The following GTF3C2 variants were observed in gnomAD, a reference collection of about 807,000 sequenced individuals.
GTF3C2 encodes general transcription factor IIIC subunit 2.
GTF3C2 carries 17 observed loss-of-function variants against 117.4 expected under a neutral mutation model. The ratio of observed to expected loss-of-function variants is 0.14; its 90% CI spans 0.10 to 0.22. The LOEUF (loss-of-function observed/expected upper bound fraction) is 0.22, where lower values mean the gene tolerates loss of function less well. Among genes scored for constraint, GTF3C2 ranks in the 10% least tolerant of loss-of-function variants. GTF3C2 has a pLI of 1.00. For synonymous variants in GTF3C2, 437 were observed against 427.0 expected, an observed-to-expected ratio of 1.02 and a Z score of -0.29; for missense variants, 888 against 1,143.6, an observed-to-expected ratio of 0.78 and a Z score of 3.22.
chr2:27,337,986 T>C lies in GTF3C2; in HGVS notation c.890A>G (p.Asn297Ser), dbSNP rs368196530. ...AGCCATGATATGATTTGGTAAGCCA[T>C]TGGGAGCCATTCCTCGGCAGTGTGG... The change falls in exon 5 of 19, where the codon AAT (asparagine) becomes AGT (serine). Residue 297 changes from asparagine to serine, a missense_variant. Coordinates refer to ENST00000264720, the Ensembl canonical transcript of GTF3C2. 2.4e-5 allele frequency: 38 copies of C among 1,612,122 alleles called. 2 individuals carry two copies. Among genetic ancestry groups the C allele is most frequent in the South Asian group, 4.4e-5 (4 of 91,048 alleles).
rs1358290107 is a variant in GTF3C2, at chr2:27,350,511, T to C, written c.-25+6228A>G. On this transcript the variant is annotated intron_variant, in intron 1 of 18. Transcript: ENST00000264720. ...TTTACAGCTGCTGGCTCAAGAATCA[T>C]GTGCTGGGCTGGGCGCAGTGGCTCA... The C allele has an allele frequency of 2.5e-5, 25 of 985,514 alleles. No individual in the cohort carries two copies. The East Asian group carries it at 3.3e-4, about 13-fold the overall frequency. 61.0% of individuals were successfully genotyped at this position (985,514 alleles called of 1,614,324 possible).
chr2:27,329,433 C>T lies in GTF3C2; in HGVS notation c.1823G>A (p.Cys608Tyr). ...CACAGCCTGGTCATGGGCTAGGAAA[C>T]ACTGGAAGGGGTAGAGCTTTAAGGA... The change falls in exon 13 of 19, where the codon TGT becomes TAT. Residue 608 changes from cysteine (C) to tyrosine (Y), a missense_variant. By Grantham distance (194) the Cys-to-Tyr change is radical. Coordinates refer to ENST00000264720, the Ensembl canonical transcript of GTF3C2. This position sits in a 1 kb window ranked among gnomAD's most constrained non-coding sequence, Gnocchi z 4.5. 6.2e-7 allele frequency: 1 copy of T among 1,614,136 alleles called. No homozygotes were observed. The highest frequency in any genetic ancestry group is 8.5e-7 in the Non-Finnish European group (1 of 1,180,004).
At chr2:27,355,878 A>G (rs13389668) in intron 1 of GTF3C2, among the ~76,000 whole-genome samples, 3,171 of 152,334 alleles carry the variant, frequency 0.021, 106 homozygotes, top group African/African-American at 0.071. Flanking sequence ...TTCAACTTAC[A>G]TAAACAATTA....
chr2:27,333,839 C>A (rs779878018), intron 11 of GTF3C2, 55 bp from the exon 12 acceptor site: 1 of 1,567,868 alleles, frequency 6.4e-7, no homozygotes, highest in African/African-American at 1.4e-5. Flanking sequence ...CTGTTTGGAA[C>A]GAAAGCTCAA....
Position 27,329,323 on chromosome 2 carries a change from G to T in GTF3C2, c.1878-41C>A. 1 of 1,613,954 alleles carries T rather than the reference G, an allele frequency of 6.2e-7. No homozygotes were observed. Among genetic ancestry groups the T allele is most frequent in the Admixed American group, 1.7e-5 (1 of 60,008 alleles). On this transcript the variant is annotated intron_variant, in intron 13 of 18. Transcript: ENST00000264720. The surrounding 1 kb of genome is among the most constrained non-coding windows in gnomAD (Gnocchi z 4.5). ...AGAAGGTCAAATCCAAACAAATCCG[G>T]AAGTCAGCCTGTCCCAGTCTTCACC...
intron 10 of GTF3C2, among the ~76,000 whole-genome samples, chr2:27,335,078 T>C (rs1680411745): frequency 6.6e-6 from 1 of 152,204 alleles, no homozygotes; most frequent in African/African-American, 2.4e-5. Flanking sequence ...TGCCCTCTTC[T>C]TTAAATACTC....
intron 4 of GTF3C2, chr2:27,339,821 T>C (rs906056408): frequency 3.3e-5 from 5 of 151,980 alleles, no homozygotes; most frequent in African/African-American, 1.2e-4. Context: ...ACCCCATCTC[T>C]ACTAAAAATA....
chr2:27,327,145 G>GA, intron 18 of GTF3C2, 32 bp downstream of exon 18: 1 of 1,168,146 alleles, frequency 8.6e-7, no homozygotes. Flanking sequence ...GGGGGGAAAT[G>GA]AGAGTGGAGG....
chr2:27,347,567 T>C (rs1287399211), intron 1 of GTF3C2, among the ~76,000 whole-genome samples: 1 of 152,184 alleles, frequency 6.6e-6, no homozygotes, highest in African/African-American at 2.4e-5. Context: ...AAAGGACCTA[T>C]GCATATACCG....
At chr2:27,334,645 ATT>A (rs67035659) in intron 10 of GTF3C2, among the ~76,000 whole-genome samples, 2 of 144,204 alleles carry the variant, frequency 1.4e-5, no homozygotes, top group Non-Finnish European at 1.5e-5. Context: ...TCACAGCGAA[ATT>A]TTTTTTTTTT....
chr2:27,327,812 G>A (rs1680136063), intron 17 of GTF3C2, among the ~76,000 whole-genome samples: 2 of 151,936 alleles, frequency 1.3e-5, no homozygotes. Flanking sequence ...ATTTTTAGTA[G>A]AGACGGAGTT....
rs770077101 is a variant in GTF3C2 at position 27,350,378 on chromosome 2, C to T, written c.-25+6361G>A. 109 of 977,982 alleles carry T rather than the reference C, an allele frequency of 1.1e-4. 1 individual carries two copies. The highest frequency in any genetic ancestry group is 1.0e-3 in the Middle Eastern group (2 of 1,924). The allele number at this position is 977,982 out of a possible 1,614,324, so 60.6% of individuals were successfully genotyped here. ...TAACAAGCTCTTCAGGGGATTCTGA[C>T]GCACACTCAAGCTGAAAAACACTTG... is the stretch of plus-strand genomic sequence containing the variant. On this transcript the variant is annotated intron_variant, in intron 1 of 18. Transcript: ENST00000264720.
rs760634104 is a variant in GTF3C2 at position 27,355,712 on chromosome 2, T to TA, written c.-25+1026dup. Among the ~76,000 whole-genome samples, 18 of 152,144 alleles carry TA rather than the reference T, an allele frequency of 1.2e-4. No homozygotes were observed. In the East Asian group the frequency reaches 3.1e-3, roughly 26 times the overall value. On this transcript the variant is annotated intron_variant, in intron 1 of 18. Transcript: ENST00000264720. ...CTTGACCTCCCCAGCCAAGAAAAAA[T>TA]AATGACACAACACTGCACCTTAAGT...
chr2:27,339,131 G>A (rs994633880), intron 4 of GTF3C2, among the ~76,000 whole-genome samples: 35 of 152,104 alleles, frequency 2.3e-4, no homozygotes, highest in Admixed American at 8.5e-4. Flanking sequence ...CAGTAAAGCC[G>A]GGCATGGTGG....
intron 4 of GTF3C2, chr2:27,338,323 A>G: frequency 2.8e-6 from 1 of 360,598 alleles, no homozygotes; most frequent in Non-Finnish European, 5.3e-6. Flanking sequence ...CCTATGGAAT[A>G]GTCTCCCTTA....
At chr2:27,341,686 G>C (rs1307310725) in intron 4 of GTF3C2, 1 of 462,814 alleles carries the variant, frequency 2.2e-6, no homozygotes, top group Non-Finnish European at 3.9e-6. Flanking sequence ...TTGTGAGGCA[G>C]GATACACTGT....
chr2:27,329,332 C>G lies in GTF3C2; in HGVS notation c.1877+47G>C. On this transcript the variant is annotated intron_variant, in intron 13 of 18. Transcript: ENST00000264720. The surrounding 1 kb of genome is among the most constrained non-coding windows in gnomAD (Gnocchi z 4.5). The stretch of plus-strand genomic sequence containing the variant: ...AATCCAAACAAATCCGGAAGTCAGC[C>G]TGTCCCAGTCTTCACCTTCCCCCTC... 6.2e-7 allele frequency: 1 copy of G among 1,613,924 alleles called. No individual in the cohort carries two copies. The highest frequency in any genetic ancestry group is 1.1e-5 in the South Asian group (1 of 91,076).
At chr2:27,330,988 G>A (rs1055954196) in intron 12 of GTF3C2, among the ~76,000 whole-genome samples, 5 of 152,076 alleles carry the variant, frequency 3.3e-5, no homozygotes, top group African/African-American at 1.2e-4. Context: ...GTGTGGTGGC[G>A]CATGCCTGTA....
chr2:27,335,979 A>G, exon 9 of GTF3C2: 1 of 1,613,996 alleles, frequency 6.2e-7, no homozygotes, highest in Non-Finnish European at 8.5e-7. Flanking sequence ...TCCCAGATGC[A>G]GCCGTTGTCA....
Sources: gnomAD v4.1 joint callset for allele counts (sites outside exome capture counted in the v4.1 genomes callset) on GRCh38, gnomAD v4.1.1 for gene constraint, Gnocchi (gnomAD v3.1) non-coding constraint, MANE v1.5 for transcripts, NCBI Gene and HGNC (gene_info 2026-07-23, HGNC 2026-07-21) for gene names.